The following DYNC1I1 variants were observed in gnomAD, a reference collection of about 807,000 sequenced individuals.
DYNC1I1 encodes the protein cytoplasmic dynein 1 intermediate chain 1.
DYNC1I1 carries 43 observed loss-of-function variants against 86.6 expected under a neutral mutation model. That is an observed-to-expected ratio of 0.50 (90% CI 0.39 to 0.64). DYNC1I1 has a LOEUF of 0.64. DYNC1I1 is among the 30% of genes least tolerant of loss of function. The pLI is 0.00. For missense variants in DYNC1I1, 604 were observed against 788.8 expected, an observed-to-expected ratio of 0.77 and a Z score of 2.81; for synonymous variants, 262 against 283.7, an observed-to-expected ratio of 0.92 and a Z score of 0.77.
chr7:96,077,843 G>A (rs1266960047), intron 15 of DYNC1I1, among the ~76,000 whole-genome samples: 2 of 152,112 alleles, frequency 1.3e-5, no homozygotes, highest in South Asian at 2.1e-4. Context: ...TCTCAACATT[G>A]ATAAATATAA....
At chr7:96,023,846 A>C (rs77564070) in intron 10 of DYNC1I1, among the ~76,000 whole-genome samples, 3 of 152,214 alleles carry the variant, frequency 2.0e-5, no homozygotes, top group African/African-American at 4.8e-5. Flanking sequence ...GGGCTAAGGC[A>C]TCTGCTAAAA....
At chr7:96,101,705 C>T (rs1791139744), downstream of DYNC1I1, among the ~76,000 whole-genome samples, 2 of 152,104 alleles carry the variant, frequency 1.3e-5, no homozygotes, top group African/African-American at 4.8e-5. Flanking sequence ...GTCATTCCTC[C>T]AATCCTTGAG....
At chr7:95,989,833 T>G (rs1793686850) in intron 9 of DYNC1I1, among the ~76,000 whole-genome samples, 1 of 152,150 alleles carries the variant, frequency 6.6e-6, no homozygotes, top group Non-Finnish European at 1.5e-5. Context: ...AAAAAGAGAT[T>G]AGAACCCTCA....
intron 10 of DYNC1I1, among the ~76,000 whole-genome samples, chr7:96,011,831 T>G (rs1415620394): frequency 6.6e-6 from 1 of 152,204 alleles, no homozygotes; most frequent in African/African-American, 2.4e-5. Context: ...ATAACTGGCA[T>G]TTGGCAAATA....
At chr7:95,883,181 G>A (rs542940431) in intron 6 of DYNC1I1, among the ~76,000 whole-genome samples, 16 of 152,226 alleles carry the variant, frequency 1.1e-4, no homozygotes, top group South Asian at 2.1e-4. Flanking sequence ...GTAACATCTT[G>A]CAATAATTTA....
chr7:95,991,597 C>G (rs1281625558), intron 9 of DYNC1I1, among the ~76,000 whole-genome samples: 1 of 152,146 alleles, frequency 6.6e-6, no homozygotes, highest in African/African-American at 2.4e-5. Flanking sequence ...GCCTTTGGCT[C>G]AGCTGGGTCA....
intron 5 of DYNC1I1, among the ~76,000 whole-genome samples, chr7:95,853,431 G>A (rs1459374399): frequency 6.6e-6 from 1 of 152,150 alleles, no homozygotes; most frequent in Admixed American, 6.5e-5. Flanking sequence ...TTGGTCCCTT[G>A]ATCCTCAATC....
At chr7:95,965,336 G>T (rs1364297088) in intron 6 of DYNC1I1, among the ~76,000 whole-genome samples, 4 of 152,196 alleles carry the variant, frequency 2.6e-5, no homozygotes, top group Admixed American at 1.3e-4. Flanking sequence ...AGTTCAGGCA[G>T]TCTGGCACCA....
At chr7:95,773,439 C>T (rs552388460) in intron 1 of DYNC1I1, among the ~76,000 whole-genome samples, 4 of 152,116 alleles carry the variant, frequency 2.6e-5, no homozygotes, top group African/African-American at 7.2e-5. Flanking sequence ...CCTTATAAAT[C>T]CGTGCGTCGT....
chr7:95,898,541 G>T (rs1160135989), intron 6 of DYNC1I1, among the ~76,000 whole-genome samples: 2 of 152,142 alleles, frequency 1.3e-5, no homozygotes, highest in African/African-American at 4.8e-5. Context: ...TCACAGATGT[G>T]TGGCCAAGAC....
At chr7:95,785,338 T>C (rs1043859435) in intron 1 of DYNC1I1, among the ~76,000 whole-genome samples, 1 of 152,086 alleles carries the variant, frequency 6.6e-6, no homozygotes, top group Non-Finnish European at 1.5e-5. Context: ...CACTTGAGTC[T>C]GGAAGGCGGA....
At chr7:95,993,485 A>G (rs1434105856) in intron 9 of DYNC1I1, among the ~76,000 whole-genome samples, 1 of 152,194 alleles carries the variant, frequency 6.6e-6, no homozygotes, top group Non-Finnish European at 1.5e-5. Flanking sequence ...GCCTTTTCAC[A>G]TGTGACATAG....
downstream of DYNC1I1, among the ~76,000 whole-genome samples, chr7:96,100,986 C>T (rs1319464099): frequency 6.6e-6 from 1 of 152,160 alleles, no homozygotes; most frequent in Non-Finnish European, 1.5e-5. Context: ...GAATGTTTAG[C>T]AGTAGCTTTC....
intron 6 of DYNC1I1, among the ~76,000 whole-genome samples, chr7:95,906,643 C>A (rs1038078180): frequency 6.6e-6 from 1 of 151,524 alleles, no homozygotes; most frequent in Non-Finnish European, 1.5e-5. Flanking sequence ...ATTTGTTATT[C>A]AAAAAACAGA....
intron 7 of DYNC1I1, among the ~76,000 whole-genome samples, chr7:95,984,490 A>G (rs1237436834): frequency 1.3e-5 from 2 of 152,140 alleles, no homozygotes; most frequent in African/African-American, 4.8e-5. Flanking sequence ...CTATTATGCC[A>G]TATTTAAGCT....
chr7:95,841,398 A>T (rs1270154201), intron 5 of DYNC1I1, among the ~76,000 whole-genome samples: 1 of 151,844 alleles, frequency 6.6e-6, no homozygotes, highest in Non-Finnish European at 1.5e-5. Context: ...GTATAGTGTA[A>T]CCCCTCCCAG....
At chr7:95,803,476 G>A (rs1486920395) in intron 1 of DYNC1I1, among the ~76,000 whole-genome samples, 2 of 152,244 alleles carry the variant, frequency 1.3e-5, no homozygotes, top group Non-Finnish European at 2.9e-5. Context: ...AATCTCCGCT[G>A]TCACACTGTG....
intron 5 of DYNC1I1, among the ~76,000 whole-genome samples, chr7:95,842,757 G>A (rs1004920030): frequency 5.3e-5 from 8 of 152,200 alleles, no homozygotes; most frequent in African/African-American, 1.9e-4. Flanking sequence ...TTTTCTCAGA[G>A]GATGTCGATT....
chr7:96,037,590 C>A (rs1794957976), intron 13 of DYNC1I1, among the ~76,000 whole-genome samples: 1 of 152,092 alleles, frequency 6.6e-6, no homozygotes, highest in African/African-American at 2.4e-5. Flanking sequence ...TACCTAGGTC[C>A]TTGATTATCT....
Sources: gnomAD v4.1 joint callset for allele counts (sites outside exome capture counted in the v4.1 genomes callset) on GRCh38, gnomAD v4.1.1 for gene constraint, MANE v1.5 for transcripts, NCBI Gene and HGNC (gene_info 2026-07-23, HGNC 2026-07-21) for gene names.